Variants in AIRE observed in about 807,000 individuals in gnomAD.
The protein encoded by AIRE is autoimmune regulator.
A neutral mutation model predicts 62.1 loss-of-function variants in AIRE; 52 were observed. That is an observed-to-expected ratio of 0.84 (90% CI 0.67 to 1.06). AIRE has a LOEUF of 1.06. AIRE is among the 50% of genes least tolerant of loss of function. The pLI, the probability that AIRE is intolerant of heterozygous loss-of-function variation, is 0.00. For synonymous variants in AIRE, 342 were observed against 321.6 expected (o/e 1.06, Z -0.68); for missense variants, 774 against 755.8 (o/e 1.02, Z -0.28).
At chr21:44,289,595 A>C in intron 5 of AIRE, 62 bp from the exon 6 acceptor site, 1 of 1,607,050 alleles carries the variant, frequency 6.2e-7, no homozygotes, top group Non-Finnish European at 8.5e-7. Context: ...TGGGGCCTAC[A>C]CGACTGCCAA....
chr21:44,294,369 C>G (rs777485890), intron 11 of AIRE, 32 bp from the exon 12 acceptor site: 22 of 1,481,016 alleles, frequency 1.5e-5, no homozygotes, highest in South Asian at 6.0e-5. Flanking sequence ...TGCTCCCCCC[C>G]AGGGCTGGCA....
chr21:44,297,821 A>G lies in AIRE; in HGVS notation c.*94A>G. ...GGAAGCCGGCCGGCTGGGATCAAGAAGGGGACAGCGCCACCTCTTGTCAGT... is the reference window on the plus strand; with the variant it reads ...GGAAGCCGGCCGGCTGGGATCAAGAGGGGGACAGCGCCACCTCTTGTCAGT... On this transcript the variant is annotated 3_prime_UTR_variant, in exon 14 of 14. Transcript: ENST00000291582. This position sits in a 1 kb window ranked among gnomAD's most constrained non-coding sequence, Gnocchi z 4.8. 2 of 1,213,784 alleles carry G rather than the reference A, an allele frequency of 1.6e-6. No individual in the cohort carries two copies. The highest frequency in any genetic ancestry group is 1.3e-5 in the South Asian group (1 of 78,560). The allele number at this position is 1,213,784 out of a possible 1,614,324, so 75.2% of individuals were successfully genotyped here.
At position 44,293,895 on chromosome 21, in the gene AIRE, G is replaced by T. The variant is rs1202537254; in HGVS notation, c.1385G>T (p.Gly462Val). 6.3e-7 allele frequency: 1 copy of T among 1,596,492 alleles called. No individual in the cohort carries two copies. The highest frequency in any genetic ancestry group is 1.7e-5 in the Admixed American group (1 of 59,906). The change falls in exon 11 of 14, where the codon GGC (glycine) becomes GTC (valine). Residue 462 changes from glycine to valine, a missense_variant. Physicochemically the swap from Gly to Val is moderately radical, Grantham distance 109. Around this residue, in one of 3 missense-constraint regions of AIRE, gnomAD observed 354 missense variants for 296.1 expected, o/e 1.20. Coordinates refer to ENST00000291582, the MANE Select transcript of AIRE (RefSeq NM_000383.4). ...CACTGGCGCTGCCACTTCCCAGCCG[G>T]CACCTCCCGGCCCGGGTGAGTGAGC... ...AFHWRCHFPA[G>V]TSRPGTGLRC...
intron 10 of AIRE, 119 bp from the exon 11 acceptor site, chr21:44,293,670 C>T (rs545792165): frequency 1.7e-4 from 247 of 1,486,148 alleles, no homozygotes; most frequent in Middle Eastern, 2.4e-4. Context: ...TCCTCACTTG[C>T]GCCTAGACCC....
In AIRE at chr21:44,293,930, G is replaced by C; in HGVS notation, c.1400+20G>C. On this transcript the variant is annotated intron_variant, in intron 11 of 13. Coordinates refer to ENST00000291582, the MANE Select transcript of AIRE (RefSeq NM_000383.4). ...GCCCGGGTGAGTGAGCGTGGTCGGCGGGGAGGCCTGAACCCACACCCACAC... is the reference window on the plus strand; with the variant it reads ...GCCCGGGTGAGTGAGCGTGGTCGGCCGGGAGGCCTGAACCCACACCCACAC... The C allele has an allele frequency of 6.3e-7, 1 of 1,595,358 alleles. No individual in the cohort carries two copies. Among genetic ancestry groups the C allele is most frequent in the Non-Finnish European group, 8.5e-7 (1 of 1,179,140 alleles).
At chr21:44,292,878 C>A in intron 9 of AIRE, 115 bp from the exon 10 acceptor site, 2 of 912,596 alleles carry the variant, frequency 2.2e-6, no homozygotes, top group South Asian at 1.4e-5. Flanking sequence ...CCCACCATGC[C>A]AGGCCTCTGC....
intron 13 of AIRE, 32 bp downstream of exon 13, chr21:44,296,477 C>G (rs765983879): frequency 1.3e-6 from 2 of 1,590,918 alleles, no homozygotes; most frequent in Non-Finnish European, 1.7e-6. Context: ...TGGTGCTCCT[C>G]CACTCCCCCT....
rs2040639106 is a variant in AIRE at position 44,298,469 on chromosome 21, C to CT, written c.*748dup. 1 of 153,714 alleles carries CT rather than the reference C, an allele frequency of 6.5e-6. No homozygotes were observed. Among genetic ancestry groups the CT allele is most frequent in the South Asian group, 2.0e-4 (1 of 4,954 alleles). 9.5% of individuals were successfully genotyped at this position (153,714 alleles called of 1,614,324 possible). A position where few individuals can be genotyped will look rare whatever the true frequency, so the allele number is the denominator to read the frequency against. On this transcript the variant is annotated 3_prime_UTR_variant, in exon 14 of 14. Coordinates refer to ENST00000291582, the MANE Select transcript of AIRE (RefSeq NM_000383.4). Reference sequence around the variant, plus strand: ...TGTAGCATGTGCCGAAATCTGCTTCCTTTTTTAAGGCTGAGTAATATTCCA... The same window carrying CT: ...TGTAGCATGTGCCGAAATCTGCTTCCTTTTTTTAAGGCTGAGTAATATTCCA...
At position 44,286,672 on chromosome 21, in the gene AIRE, A is replaced by T; in HGVS notation, c.248A>T (p.Lys83Met). ...AILDFWRVLF[K>M]DYNLERYGRL... ...CTGGACTTCTGGAGGGTGCTGTTCA[A>T]GGACTACAACCTGGAGCGCTATGGC... The change falls in exon 2 of 14, where the codon AAG becomes ATG. Residue 83 changes from lysine (K) to methionine (M), a missense_variant. Transcript: ENST00000291582. The surrounding 1 kb of genome is among the most constrained non-coding windows in gnomAD (Gnocchi z 6.0). 1.2e-6 allele frequency: 2 copies of T among 1,613,086 alleles called. No homozygotes were observed. Among genetic ancestry groups the T allele is most frequent in the Non-Finnish European group, 1.7e-6 (2 of 1,180,002 alleles).
intron 12 of AIRE, 73 bp downstream of exon 12, chr21:44,294,576 G>A (rs2040586551): frequency 4.9e-6 from 4 of 822,010 alleles, no homozygotes; most frequent in Non-Finnish European, 5.4e-6. Flanking sequence ...TGTTGGGGGA[G>A]CACATCTCAG....
intron 7 of AIRE, chr21:44,290,728 C>T: frequency 7.2e-7 from 1 of 1,395,280 alleles, no homozygotes; most frequent in South Asian, 1.2e-5. Context: ...GTGGGGGCTG[C>T]AGGTGGAGGA....
intron 11 of AIRE, 141 bp downstream of exon 11, chr21:44,294,051 C>T (rs1163778417): frequency 2.6e-6 from 3 of 1,170,924 alleles, no homozygotes; most frequent in Non-Finnish European, 3.6e-6. Flanking sequence ...GCACCCCACC[C>T]CACACCCATG....
chr21:44,297,639 G>A lies in AIRE; in HGVS notation c.1567-17G>A, dbSNP rs376402964. 2.3e-4 allele frequency: 373 copies of A among 1,606,980 alleles called. No individual in the cohort carries two copies. The highest frequency in any genetic ancestry group is 2.8e-4 in the Non-Finnish European group (332 of 1,176,030). ...GGGGGCGCACCTGGAGGTTCTCACC[G>A]TCACTCTGTCCCGCAGCACACCTTC... On this transcript the variant is annotated splice_polypyrimidine_tract_variant and intron_variant, in intron 13 of 13. Coordinates refer to ENST00000291582, the MANE Select transcript of AIRE (RefSeq NM_000383.4). The surrounding 1 kb of genome is among the most constrained non-coding windows in gnomAD (Gnocchi z 4.8).
chr21:44,295,989 G>T (rs1410811031), intron 12 of AIRE, among the ~76,000 whole-genome samples: 1 of 152,178 alleles, frequency 6.6e-6, no homozygotes, highest in Non-Finnish European at 1.5e-5. Flanking sequence ...TCCCACTCTG[G>T]TCGCTCACCT....
chr21:44,293,417 G>A (rs185442462), intron 10 of AIRE, among the ~76,000 whole-genome samples: 255 of 152,186 alleles, frequency 1.7e-3, no homozygotes, highest in Middle Eastern at 6.8e-3. Flanking sequence ...AATGAAGGGG[G>A]GGATGTCCCA....
At chr21:44,293,293 C>A in intron 10 of AIRE, 118 bp downstream of exon 10, 3 of 879,058 alleles carry the variant, frequency 3.4e-6, no homozygotes, top group Non-Finnish European at 4.6e-6. Flanking sequence ...CCGGGAGGCA[C>A]AGGGCCTGGG....
chr21:44,286,879 A>G lies in AIRE; in HGVS notation c.308-99A>G. On this transcript the variant is annotated intron_variant, in intron 2 of 13. Transcript: ENST00000291582. The surrounding 1 kb of genome is among the most constrained non-coding windows in gnomAD (Gnocchi z 6.0). ...TTGGATCCTAAGAGGCAAAGGGGCC[A>G]GGCCTCACCTGTCTGGCCAAGGTGT... The G allele has an allele frequency of 1.9e-6, 3 of 1,584,050 alleles. No homozygotes were observed. The highest frequency in any genetic ancestry group is 1.7e-5 in the Admixed American group (1 of 59,536).
At chr21:44,296,626 C>A (rs1006231005) in intron 13 of AIRE, among the ~76,000 whole-genome samples, 181 bp downstream of exon 13, 1 of 151,058 alleles carries the variant, frequency 6.6e-6, no homozygotes, top group African/African-American at 2.4e-5. Context: ...TGGCACCCCC[C>A]ACAGGAGCCC....
intron 13 of AIRE, among the ~76,000 whole-genome samples, 187 bp downstream of exon 13, chr21:44,296,632 A>C (rs1453825741): frequency 5.1e-5 from 7 of 138,488 alleles, no homozygotes; most frequent in East Asian, 2.3e-4. Flanking sequence ...CCCCCACAGG[A>C]GCCCCCCTAG....
Sources: gnomAD v4.1 joint callset for allele counts (sites outside exome capture counted in the v4.1 genomes callset) on GRCh38, gnomAD v4.1.1 for gene constraint, gnomAD v4.1.1 regional missense constraint, Gnocchi (gnomAD v3.1) non-coding constraint, MANE v1.5 for transcripts, NCBI Gene and HGNC (gene_info 2026-07-23, HGNC 2026-07-21) for gene names.